NRF1: variants seen among roughly 807,000 people sequenced by gnomAD.
NRF1 encodes the protein alpha palindromic-binding protein.
In NRF1, 5 loss-of-function variants were observed where a neutral mutation model predicts 58.5. That is an observed-to-expected ratio of 0.09 (90% CI 0.04 to 0.18). NRF1 has a LOEUF of 0.18. Ranked by LOEUF, NRF1 falls within the 10% of genes least tolerant of loss-of-function variation. The pLI, the probability that NRF1 is intolerant of heterozygous loss-of-function variation, is 1.00. For synonymous variants in NRF1, 224 were observed against 246.7 expected (o/e 0.91, Z 0.86); for missense variants, 288 against 657.7 (o/e 0.44, Z 6.15).
intron 10 of NRF1, among the ~76,000 whole-genome samples, chr7:129,737,421 C>G (rs1803741794): frequency 6.6e-6 from 1 of 152,214 alleles, no homozygotes. Context: ...TATTTCAACT[C>G]TATCATGAAA....
chr7:129,733,059 A>G (rs1310878541), intron 10 of NRF1, among the ~76,000 whole-genome samples: 1 of 1,368 alleles, frequency 7.3e-4, no homozygotes, highest in African/African-American at 8.1e-4. Context: ...CAACAAAGCG[A>G]GACTGTCTCA....
At chr7:129,632,733 G>C (rs1801078363) in intron 1 of NRF1, among the ~76,000 whole-genome samples, 1 of 151,920 alleles carries the variant, frequency 6.6e-6, no homozygotes, top group South Asian at 2.1e-4. Flanking sequence ...AAACTTTATT[G>C]GTACATGTAG....
intron 2 of NRF1, among the ~76,000 whole-genome samples, chr7:129,664,606 A>G (rs539345147): frequency 6.6e-6 from 1 of 152,364 alleles, no homozygotes; most frequent in Non-Finnish European, 1.5e-5. Flanking sequence ...GCATCTTGAC[A>G]TAATGAATCC....
intron 5 of NRF1, among the ~76,000 whole-genome samples, chr7:129,706,612 A>C (rs1035696632): frequency 5.3e-5 from 8 of 152,130 alleles, no homozygotes; most frequent in Non-Finnish European, 7.4e-5. Context: ...TAGATTGGAG[A>C]GAGGGTAGGG....
At chr7:129,749,419 GA>G (rs1804059732) in intron 10 of NRF1, among the ~76,000 whole-genome samples, 1 of 144,714 alleles carries the variant, frequency 6.9e-6, no homozygotes, top group East Asian at 2.0e-4. Flanking sequence ...TTTGGCTCAA[GA>G]ATGATACACA....
At chr7:129,728,683 G>T (rs1562985685) in intron 10 of NRF1, among the ~76,000 whole-genome samples, 1 of 152,160 alleles carries the variant, frequency 6.6e-6, no homozygotes, top group South Asian at 2.1e-4. Flanking sequence ...CTTTGGAATA[G>T]GAGGAAACAA....
intron 1 of NRF1, 25 bp from the exon 2 acceptor site, chr7:129,657,321 C>G (rs376304413): frequency 4.0e-6 from 6 of 1,509,510 alleles, no homozygotes; most frequent in Non-Finnish European, 4.6e-6. Context: ...GAATCCTGTT[C>G]TTTTTCTTTT....
chr7:129,654,783 A>G (rs532156721), intron 1 of NRF1, among the ~76,000 whole-genome samples: 3 of 152,192 alleles, frequency 2.0e-5, no homozygotes, highest in African/African-American at 7.2e-5. Context: ...ATGTGGGTCT[A>G]TTTCTGGACC....
chr7:129,625,073 G>A (rs984275643), intron 1 of NRF1, among the ~76,000 whole-genome samples: 2 of 152,088 alleles, frequency 1.3e-5, no homozygotes, highest in African/African-American at 2.4e-5. Context: ...ACAGGGTGGC[G>A]CTCCCTCAGG....
chr7:129,749,460 A>G (rs918580159), intron 10 of NRF1, among the ~76,000 whole-genome samples: 19 of 151,990 alleles, frequency 1.3e-4, no homozygotes, highest in Admixed American at 2.0e-4. Flanking sequence ...GAGCCATGTC[A>G]GGCCTCATTG....
chr7:129,618,694 A>C (rs540532094), intron 1 of NRF1, among the ~76,000 whole-genome samples: 7 of 152,260 alleles, frequency 4.6e-5, no homozygotes, highest in Non-Finnish European at 8.8e-5. Context: ...GACCCTGTCT[A>C]TAAAAAAGAA....
intron 1 of NRF1, among the ~76,000 whole-genome samples, chr7:129,621,099 T>C (rs1800788501): frequency 6.6e-6 from 1 of 152,242 alleles, no homozygotes; most frequent in Non-Finnish European, 1.5e-5. Context: ...TTCCAAAATA[T>C]TTCTTTTTGA....
intron 7 of NRF1, 96 bp downstream of exon 7, chr7:129,710,667 T>C (rs1258203660): frequency 5.5e-6 from 4 of 726,332 alleles, no homozygotes; most frequent in African/African-American, 1.7e-5. Flanking sequence ...TGCGAACTCT[T>C]GTATGAACTT....
intron 10 of NRF1, among the ~76,000 whole-genome samples, chr7:129,728,468 CAAAAAAA>C (rs60777041): frequency 1.0e-5 from 1 of 96,354 alleles, no homozygotes; most frequent in African/African-American, 3.9e-5. Context: ...GACTCCGTCT[CAAAAAAA>C]AAAAAAAAAA....
intron 9 of NRF1, among the ~76,000 whole-genome samples, chr7:129,722,912 C>T (rs1457415300): frequency 6.6e-6 from 1 of 152,160 alleles, no homozygotes; most frequent in East Asian, 1.9e-4. Context: ...AATAAGCAGT[C>T]ACTGAGGTGA....
chr7:129,743,704 T>G lies in NRF1; in HGVS notation c.1349-11314T>G, dbSNP rs562607406. Among the ~76,000 whole-genome samples, 27 of 152,350 alleles carry G rather than the reference T, an allele frequency of 1.8e-4. 1 individual carries two copies. The South Asian group carries it at 5.2e-3, about 29-fold the overall frequency. On this transcript the variant is annotated intron_variant, in intron 10 of 10. Transcript: ENST00000393232. ...TGTGAATATAGTCAACTCTTACTTG[T>G]TACCTACAGATTATCTGTCACGCAG... is the stretch of plus-strand genomic sequence containing the variant.
chr7:129,692,406 C>G (rs1463745907), intron 5 of NRF1, among the ~76,000 whole-genome samples: 1 of 151,850 alleles, frequency 6.6e-6, no homozygotes, highest in Non-Finnish European at 1.5e-5. Flanking sequence ...CAAAAATTAG[C>G]TGGGGCCATG....
At chr7:129,721,247 C>T (rs1052815261) in intron 9 of NRF1, among the ~76,000 whole-genome samples, 1 of 152,000 alleles carries the variant, frequency 6.6e-6, no homozygotes, top group African/African-American at 2.4e-5. Flanking sequence ...CATGATTTGG[C>T]TTTGTAGACT....
intron 3 of NRF1, among the ~76,000 whole-genome samples, chr7:129,674,149 A>G (rs10254366): frequency 0.64 from 97,127 of 151,998 alleles, 31,762 homozygotes; most frequent in South Asian, 0.76. Context: ...TAAAAAAAAA[A>G]AAAAGCTGTT....
Sources: allele counts gnomAD v4.1 joint callset (sites outside exome capture counted in the v4.1 genomes callset), GRCh38; gene constraint gnomAD v4.1.1; transcripts MANE v1.5; gene names NCBI Gene and HGNC (gene_info 2026-07-23, HGNC 2026-07-21).